Variants in RAD51B observed in about 807,000 individuals in gnomAD.
RAD51B encodes the protein RAD51 paralog B, also known as DNA repair protein RAD51 homolog 2.
A neutral mutation model predicts 42.2 loss-of-function variants in RAD51B; 38 were observed. That is an observed-to-expected ratio of 0.90 (90% CI 0.70 to 1.18). The LOEUF is 1.18. Ranked by LOEUF, RAD51B falls within the 50% of genes most tolerant of loss-of-function variation. The pLI is 0.00. For missense variants in RAD51B, 373 were observed against 400.7 expected (o/e 0.93, Z 0.59); for synonymous variants, 154 against 145.2 (o/e 1.06, Z -0.43).
intron 7 of RAD51B, among the ~76,000 whole-genome samples, chr14:68,207,059 G>A (rs1461871604): frequency 6.6e-6 from 1 of 151,986 alleles, no homozygotes; most frequent in Admixed American, 6.6e-5. Context: ...CAAAGTGCTG[G>A]GATTACAGGC....
chr14:67,969,109 G>A (rs1399314269), intron 7 of RAD51B, among the ~76,000 whole-genome samples: 1 of 152,240 alleles, frequency 6.6e-6, no homozygotes, highest in South Asian at 2.1e-4. Flanking sequence ...CAGTATGGGG[G>A]AAACTGCCCC....
intron 10 of RAD51B, among the ~76,000 whole-genome samples, chr14:68,584,437 C>G (rs1216498985): frequency 6.6e-6 from 1 of 152,154 alleles, no homozygotes; most frequent in African/African-American, 2.4e-5. Flanking sequence ...GGAGCTATTA[C>G]AATCGAGCAA....
At chr14:67,882,461 G>C (rs1473104286) in intron 5 of RAD51B, among the ~76,000 whole-genome samples, 1 of 152,074 alleles carries the variant, frequency 6.6e-6, no homozygotes, top group Non-Finnish European at 1.5e-5. Context: ...CTGGTCTTAT[G>C]ATCTTTAAAA....
At chr14:68,604,522 C>T (rs955568475) in intron 10 of RAD51B, among the ~76,000 whole-genome samples, 7 of 152,212 alleles carry the variant, frequency 4.6e-5, no homozygotes, top group Non-Finnish European at 7.3e-5. Context: ...TAACCAGGTG[C>T]CCCAGGAGAG....
At chr14:68,153,183 C>G (rs1393693308) in intron 7 of RAD51B, among the ~76,000 whole-genome samples, 1 of 152,090 alleles carries the variant, frequency 6.6e-6, no homozygotes, top group Non-Finnish European at 1.5e-5. Flanking sequence ...GTATAAGAAC[C>G]TTAACAATAG....
chr14:68,553,388 G>A (rs976285850), intron 10 of RAD51B, among the ~76,000 whole-genome samples: 1 of 152,206 alleles, frequency 6.6e-6, no homozygotes, highest in African/African-American at 2.4e-5. Context: ...TAGAAGAGAT[G>A]GGCAGAGCCA....
chr14:68,673,532 A>C (rs1318389523), intron 11 of RAD51B, among the ~76,000 whole-genome samples: 1 of 151,688 alleles, frequency 6.6e-6, no homozygotes, highest in African/African-American at 2.4e-5. Context: ...ACGCGCACAC[A>C]CATACACATA....
intron 7 of RAD51B, among the ~76,000 whole-genome samples, chr14:68,267,117 C>A (rs995709163): frequency 1.3e-5 from 2 of 152,124 alleles, no homozygotes; most frequent in African/African-American, 4.8e-5. Flanking sequence ...GCCTGGTGTT[C>A]TTCAGATAGG....
intron 10 of RAD51B, among the ~76,000 whole-genome samples, chr14:68,535,798 T>C (rs1215183097): frequency 6.6e-6 from 1 of 152,178 alleles, no homozygotes. Context: ...AAGCCTCTCC[T>C]AACTCTCAGT....
At chr14:68,612,781 C>T (rs1477851395), downstream of RAD51B, among the ~76,000 whole-genome samples, 9 of 142,078 alleles carry the variant, frequency 6.3e-5, no homozygotes, top group Non-Finnish European at 1.0e-4. Flanking sequence ...TTTTATGTTA[C>T]GTATATTTGA....
At chr14:68,388,680 A>C (rs2083664178) in intron 8 of RAD51B, among the ~76,000 whole-genome samples, 1 of 152,178 alleles carries the variant, frequency 6.6e-6, no homozygotes, top group South Asian at 2.1e-4. Context: ...GCTAGGTCTT[A>C]CATCAGGCGG....
chr14:68,530,810 C>G (rs1290585833), intron 10 of RAD51B, among the ~76,000 whole-genome samples: 6 of 151,920 alleles, frequency 3.9e-5, no homozygotes, highest in Non-Finnish European at 8.8e-5. Context: ...AATCAAGAAA[C>G]TATAGTGGAC....
chr14:68,463,050 G>A (rs747805169), intron 9 of RAD51B, among the ~76,000 whole-genome samples: 4 of 152,108 alleles, frequency 2.6e-5, no homozygotes, highest in Non-Finnish European at 5.9e-5. Flanking sequence ...AGGGCACCAT[G>A]TATTGAAGAA....
intron 10 of RAD51B, among the ~76,000 whole-genome samples, chr14:68,524,882 TC>T (rs1886822577): frequency 6.6e-6 from 1 of 152,252 alleles, no homozygotes; most frequent in Non-Finnish European, 1.5e-5. Flanking sequence ...TAGCAGGCCC[TC>T]AACTGGGCCA....
At chr14:68,271,238 G>T (rs2081098694) in intron 7 of RAD51B, among the ~76,000 whole-genome samples, 1 of 152,086 alleles carries the variant, frequency 6.6e-6, no homozygotes, top group Non-Finnish European at 1.5e-5. Context: ...TATTCACATT[G>T]TATCCCAAGT....
intron 7 of RAD51B, among the ~76,000 whole-genome samples, chr14:68,083,372 G>C (rs558509340): frequency 6.6e-6 from 1 of 151,684 alleles, no homozygotes; most frequent in South Asian, 2.1e-4. Flanking sequence ...CATTGAGTAG[G>C]TTTGTTGACT....
Position 67,996,771 on chromosome 14 carries a change from T to G in RAD51B, c.756+109567T>G, listed in dbSNP as rs950883164. ...ATATTTTTAAGAGATCACTGGCTGCTGGTTGATACTAGGTTGTATGAGCAA... is the reference window on the plus strand; with the variant it reads ...ATATTTTTAAGAGATCACTGGCTGCGGGTTGATACTAGGTTGTATGAGCAA... On this transcript the variant is annotated intron_variant, in intron 7 of 10. Coordinates refer to ENST00000471583, the MANE Select transcript of RAD51B (RefSeq NM_133510.4). Among the ~76,000 whole-genome samples the G allele has an allele frequency of 4.6e-5, 7 of 152,218 alleles. No homozygotes were observed. The South Asian group carries it at 1.4e-3, about 32-fold the overall frequency.
intron 10 of RAD51B, among the ~76,000 whole-genome samples, chr14:68,512,187 T>A (rs976515772): frequency 2.0e-5 from 3 of 152,182 alleles, no homozygotes; most frequent in Admixed American, 2.0e-4. Context: ...CCACTTGCAG[T>A]GACCCCCACT....
intron 9 of RAD51B, among the ~76,000 whole-genome samples, chr14:68,426,187 G>C (rs553692547): frequency 3.4e-4 from 51 of 151,428 alleles, no homozygotes; most frequent in African/African-American, 1.2e-3. Context: ...TCCCACCTCA[G>C]CCTCCCGAGT....
Sources: gnomAD v4.1 joint callset for allele counts (sites outside exome capture counted in the v4.1 genomes callset) on GRCh38, gnomAD v4.1.1 for gene constraint, MANE v1.5 for transcripts, NCBI Gene and HGNC (gene_info 2026-07-23, HGNC 2026-07-21) for gene names.